Variants in CYYR1 observed in about 807,000 individuals in gnomAD.
CYYR1 encodes the protein cysteine and tyrosine rich 1.
In CYYR1, 14 loss-of-function variants were observed where a neutral mutation model predicts 15.2. The ratio of observed to expected loss-of-function variants is 0.92; its 90% CI spans 0.61 to 1.44. The LOEUF is 1.44. Ranked by LOEUF, CYYR1 falls within the 40% of genes most tolerant of loss-of-function variation. The pLI is 0.00. For synonymous variants in CYYR1, 80 were observed against 77.4 expected (o/e 1.03, Z -0.18); for missense variants, 228 against 209.5 (o/e 1.09, Z -0.54).
intron 3 of CYYR1, among the ~76,000 whole-genome samples, chr21:26,477,415 C>G (rs2065119279): frequency 6.6e-6 from 1 of 152,070 alleles, no homozygotes; most frequent in Non-Finnish European, 1.5e-5. Context: ...CATTATGTTT[C>G]TTCCATTATT....
chr21:26,518,012 G>A (rs369515), intron 2 of CYYR1, among the ~76,000 whole-genome samples: 46,574 of 152,048 alleles, frequency 0.31, 7,389 homozygotes, highest in Middle Eastern at 0.35. Flanking sequence ...CAATAACAAC[G>A]AACCTTTGTT....
intron 2 of CYYR1, among the ~76,000 whole-genome samples, chr21:26,516,297 G>A (rs1319141164): frequency 6.6e-6 from 1 of 152,108 alleles, no homozygotes; most frequent in Non-Finnish European, 1.5e-5. Context: ...GAACTGTAGG[G>A]CAAAATGTAT....
intron 2 of CYYR1, among the ~76,000 whole-genome samples, chr21:26,533,450 A>G (rs1375486530): frequency 1.3e-5 from 2 of 152,058 alleles, no homozygotes; most frequent in African/African-American, 4.8e-5. Flanking sequence ...AGAACAAAGA[A>G]CACTGAAGTC....
At chr21:26,523,591 G>A (rs1028154250) in intron 2 of CYYR1, among the ~76,000 whole-genome samples, 2 of 152,068 alleles carry the variant, frequency 1.3e-5, no homozygotes, top group Non-Finnish European at 2.9e-5. Context: ...CATTCACTCA[G>A]TTATGATGCT....
At chr21:26,483,912 C>A (rs1435043329) in intron 2 of CYYR1, among the ~76,000 whole-genome samples, 1 of 152,040 alleles carries the variant, frequency 6.6e-6, no homozygotes, top group African/African-American at 2.4e-5. Context: ...TCCCAAATTT[C>A]TTGTCATGAG....
intron 2 of CYYR1, among the ~76,000 whole-genome samples, chr21:26,491,426 T>C (rs567451911): frequency 1.3e-5 from 2 of 152,266 alleles, no homozygotes; most frequent in African/African-American, 4.8e-5. Context: ...TTTGTTGAGA[T>C]TTAAGTCCTG....
chr21:26,479,280 C>T (rs1200398624), intron 3 of CYYR1, among the ~76,000 whole-genome samples: 1 of 151,262 alleles, frequency 6.6e-6, no homozygotes, highest in Admixed American at 6.6e-5. Context: ...AAATTTGCTC[C>T]CTCAAGTTGA....
chr21:26,477,938 T>G lies in CYYR1; in HGVS notation c.334+2334A>C, dbSNP rs1367511852. 3.0e-6 allele frequency: 4 copies of G among 1,352,346 alleles called. No individual in the cohort carries two copies. In the African/African-American group the frequency reaches 6.0e-5, roughly 20 times the overall value. The allele number at this position is 1,352,346 out of a possible 1,614,324, so 83.8% of individuals were successfully genotyped here. On this transcript the variant is annotated intron_variant, in intron 3 of 3. Coordinates refer to ENST00000652641, the MANE Select transcript of CYYR1 (RefSeq NM_001320768.2). The stretch of plus-strand genomic sequence containing the variant: ...AATATTTGAAATTGCATGTTACTTT[T>G]GTAGTGAGTACATTCCAGGGTGAAA...
At chr21:26,558,377 G>A (rs1472305515) in intron 2 of CYYR1, among the ~76,000 whole-genome samples, 1 of 152,084 alleles carries the variant, frequency 6.6e-6, no homozygotes, top group Non-Finnish European at 1.5e-5. Flanking sequence ...TTGAGACAGG[G>A]TCTTGCTATG....
At chr21:26,542,294 T>TGTGTGTGTGTGC (rs1555909986) in intron 2 of CYYR1, among the ~76,000 whole-genome samples, 4 of 142,786 alleles carry the variant, frequency 2.8e-5, no homozygotes, top group African/African-American at 1.1e-4. Flanking sequence ...TGTGTGCGTG[T>TGTGTGTGTGTGC]GTGTGTGTGT....
Position 26,480,437 on chromosome 21 carries a change from G to A in CYYR1, c.177-8C>T, listed in dbSNP as rs751297739. ...CCCGCAATTGCAGTGCCCCTAAAAG[G>A]AAAAACAAGTAAGTTTACTCAAAAG... is the stretch of plus-strand genomic sequence containing the variant. On this transcript the variant is annotated splice_region_variant and splice_polypyrimidine_tract_variant and intron_variant, in intron 2 of 3. Transcript: ENST00000652641. The A allele has an allele frequency of 1.2e-6, 2 of 1,603,692 alleles. No individual in the cohort carries two copies. The highest frequency in any genetic ancestry group is 2.2e-5 in the East Asian group (1 of 44,688).
chr21:26,487,852 T>G (rs139858179), intron 2 of CYYR1, among the ~76,000 whole-genome samples: 116 of 151,722 alleles, frequency 7.6e-4, no homozygotes, highest in African/African-American at 2.8e-3. Context: ...ACTCCAAGTG[T>G]AAAATGCTTA....
chr21:26,526,911 G>T lies in CYYR1; in HGVS notation c.176+39355C>A, dbSNP rs183026744. Among the ~76,000 whole-genome samples the T allele has an allele frequency of 3.9e-5, 6 of 152,310 alleles. No individual in the cohort carries two copies. In the East Asian group the frequency reaches 1.2e-3, roughly 29 times the overall value. On this transcript the variant is annotated intron_variant, in intron 2 of 3. Coordinates refer to ENST00000652641, the MANE Select transcript of CYYR1 (RefSeq NM_001320768.2). ...TTAAACATTTGAGAACCCTACTTGGGAGCACATGATGTGTCCTCCAAACAC... is the reference window on the plus strand; with the variant it reads ...TTAAACATTTGAGAACCCTACTTGGTAGCACATGATGTGTCCTCCAAACAC...
At chr21:26,533,234 T>C (rs1289281639) in intron 2 of CYYR1, among the ~76,000 whole-genome samples, 1 of 148,810 alleles carries the variant, frequency 6.7e-6, no homozygotes. Flanking sequence ...ATATTCATAG[T>C]ATATTTATAA....
intron 2 of CYYR1, among the ~76,000 whole-genome samples, chr21:26,496,795 ATATT>A (rs1339471576): frequency 6.6e-6 from 1 of 152,200 alleles, no homozygotes; most frequent in African/African-American, 2.4e-5. Flanking sequence ...TACTTATAGA[ATATT>A]TATGCAATAC....
chr21:26,497,720 G>A (rs78816354), intron 2 of CYYR1, among the ~76,000 whole-genome samples: 3,013 of 152,144 alleles, frequency 0.02, 90 homozygotes, highest in East Asian at 0.093. Flanking sequence ...ACACTGCCTC[G>A]TACAATGATA....
intron 2 of CYYR1, among the ~76,000 whole-genome samples, chr21:26,564,181 T>TA (rs749254559): frequency 0.025 from 3,535 of 141,568 alleles, 48 homozygotes; most frequent in African/African-American, 0.03. Context: ...GACCACCCAT[T>TA]AAAAAAAAAA....
intron 2 of CYYR1, among the ~76,000 whole-genome samples, chr21:26,511,445 T>TGGA (rs2065646884): frequency 2.0e-5 from 3 of 152,334 alleles, no homozygotes; most frequent in African/African-American, 7.2e-5. Context: ...CAAAAGAAGA[T>TGGA]GGATCCAATA....
chr21:26,482,429 T>G (rs2065193854), intron 2 of CYYR1: 1 of 985,206 alleles, frequency 1.0e-6, no homozygotes, highest in Non-Finnish European at 1.2e-6. Flanking sequence ...CCCTGATGAT[T>G]TCCTTCTTAC....
Sources: gnomAD v4.1 joint callset for allele counts (sites outside exome capture counted in the v4.1 genomes callset) on GRCh38, gnomAD v4.1.1 for gene constraint, MANE v1.5 for transcripts, NCBI Gene and HGNC (gene_info 2026-07-23, HGNC 2026-07-21) for gene names.